DSCAM: variants seen among roughly 807,000 people sequenced by gnomAD.
DSCAM encodes the protein DS cell adhesion molecule, also known as cell adhesion molecule DSCAM.
DSCAM carries 47 observed loss-of-function variants against 217.7 expected under a neutral mutation model. The ratio of observed to expected loss-of-function variants is 0.22; its 90% CI spans 0.17 to 0.28. The LOEUF (loss-of-function observed/expected upper bound fraction) is 0.28. Ranked by LOEUF, DSCAM falls within the 10% of genes least tolerant of loss-of-function variation. The probability of loss-of-function intolerance (pLI) is 1.00; values close to 1 mark genes in which losing one functional copy is unlikely to be tolerated. For missense variants in DSCAM, 2,080 were observed against 2,618.3 expected (o/e 0.79, Z 4.49); for synonymous variants, 1,056 against 1,015.3 (o/e 1.04, Z -0.76).
chr21:40,348,906 C>T (rs1039450740), intron 5 of DSCAM, among the ~76,000 whole-genome samples: 2 of 151,784 alleles, frequency 1.3e-5, no homozygotes, highest in African/African-American at 2.4e-5. Context: ...CTTTGTGAGG[C>T]CAAAGTGGGA....
At chr21:40,408,776 T>C (rs917688978) in intron 3 of DSCAM, among the ~76,000 whole-genome samples, 11 of 152,210 alleles carry the variant, frequency 7.2e-5, no homozygotes, top group African/African-American at 2.4e-4. Context: ...TTCACTCACA[T>C]GTGCAGTGCA....
At chr21:40,391,369 G>A (rs895972720) in intron 3 of DSCAM, among the ~76,000 whole-genome samples, 4 of 152,170 alleles carry the variant, frequency 2.6e-5, no homozygotes, top group African/African-American at 9.7e-5. Context: ...CCCACCTGCT[G>A]TTTGAAATAA....
At chr21:40,728,419 C>T (rs1423709557) in intron 1 of DSCAM, among the ~76,000 whole-genome samples, 1 of 145,594 alleles carries the variant, frequency 6.9e-6, no homozygotes, top group Non-Finnish European at 1.5e-5. Context: ...ATAAATGATT[C>T]TTTTTTTTTT....
At chr21:40,290,936 G>A in intron 10 of DSCAM, among the ~76,000 whole-genome samples, 1 of 152,190 alleles carries the variant, frequency 6.6e-6, no homozygotes, top group East Asian at 1.9e-4. Context: ...TCTAAGCTCT[G>A]ACAATGCAGA....
At chr21:40,370,999 T>C (rs909404146) in intron 3 of DSCAM, among the ~76,000 whole-genome samples, 7 of 152,240 alleles carry the variant, frequency 4.6e-5, no homozygotes, top group Admixed American at 1.3e-4. Flanking sequence ...AGAACACAGA[T>C]GTGAAAAAGA....
intron 1 of DSCAM, among the ~76,000 whole-genome samples, chr21:40,828,638 A>C (rs944166358): frequency 6.8e-6 from 1 of 146,276 alleles, no homozygotes; most frequent in East Asian, 2.1e-4. Context: ...TCCCTCAGGA[A>C]CCAGGGGACA....
chr21:40,478,525 T>G (rs2145981808), intron 3 of DSCAM, among the ~76,000 whole-genome samples: 1 of 152,340 alleles, frequency 6.6e-6, no homozygotes, highest in Non-Finnish European at 1.5e-5. Context: ...GTACTAAAAT[T>G]ATAGCCACTT....
At chr21:40,308,380 C>T (rs185075830) in intron 9 of DSCAM, among the ~76,000 whole-genome samples, 6 of 152,182 alleles carry the variant, frequency 3.9e-5, no homozygotes, top group Non-Finnish European at 7.4e-5. Flanking sequence ...CCTGAGATTG[C>T]GGCTGAATTC....
chr21:40,347,614 G>C, intron 6 of DSCAM, 56 bp downstream of exon 6: 1 of 1,604,546 alleles, frequency 6.2e-7, no homozygotes, highest in Middle Eastern at 2.2e-4. Flanking sequence ...CTTCTTTTCT[G>C]AGTGCTCTGG....
Position 40,360,925 on chromosome 21 carries a change from A to C in DSCAM, c.656-7182T>G, listed in dbSNP as rs1489350513. Reference sequence around the variant, plus strand: ...CACAATGGCAGGACTAAGTTACTTTACCACCAGTAGTGTATAAGTGTTCCC... The same window carrying C: ...CACAATGGCAGGACTAAGTTACTTTCCCACCAGTAGTGTATAAGTGTTCCC... On this transcript the variant is annotated intron_variant, in intron 4 of 32. Coordinates refer to ENST00000400454, the MANE Select transcript of DSCAM (RefSeq NM_001389.5). Among the ~76,000 whole-genome samples, 27 of 152,170 alleles carry C rather than the reference A, an allele frequency of 1.8e-4. 1 individual carries two copies. Among genetic ancestry groups the C allele is most frequent in the Non-Finnish European group, 4.4e-5 (3 of 68,024 alleles).
chr21:40,441,701 T>G (rs2075631803), intron 3 of DSCAM, among the ~76,000 whole-genome samples: 1 of 152,224 alleles, frequency 6.6e-6, no homozygotes, highest in Non-Finnish European at 1.5e-5. Flanking sequence ...ACCCTTGACC[T>G]GCCCTACCAA....
intron 20 of DSCAM, among the ~76,000 whole-genome samples, chr21:40,114,785 T>C (rs1437762851): frequency 1.3e-5 from 2 of 152,180 alleles, no homozygotes; most frequent in African/African-American, 4.8e-5. Context: ...AAAGAAGACA[T>C]TTATGCAGCC....
intron 20 of DSCAM, 38 bp downstream of exon 20, chr21:40,124,157 C>A (rs771045334): frequency 3.7e-6 from 6 of 1,612,450 alleles, no homozygotes; most frequent in Admixed American, 1.7e-5. Context: ...TCGTCCCTGG[C>A]AGACGCTTGA....
intron 3 of DSCAM, among the ~76,000 whole-genome samples, chr21:40,663,046 AGT>A (rs911919442): frequency 8.7e-6 from 1 of 114,946 alleles, no homozygotes; most frequent in Non-Finnish European, 1.9e-5. Context: ...TGCACATGTG[AGT>A]GTGTGTGTGT....
intron 8 of DSCAM, 60 bp downstream of exon 8, chr21:40,338,041 G>C: frequency 6.3e-7 from 1 of 1,580,266 alleles, no homozygotes; most frequent in Non-Finnish European, 8.6e-7. Context: ...CAAATCATTG[G>C]TCTGGGAAGT....
intron 10 of DSCAM, among the ~76,000 whole-genome samples, chr21:40,281,927 G>A (rs889878564): frequency 2.6e-5 from 4 of 152,012 alleles, no homozygotes; most frequent in African/African-American, 7.2e-5. Context: ...TTTTGTTCTC[G>A]TTGCTTCAAT....
chr21:40,751,456 A>G (rs1033849656), intron 1 of DSCAM, among the ~76,000 whole-genome samples: 2 of 152,224 alleles, frequency 1.3e-5, no homozygotes, highest in Admixed American at 1.3e-4. Context: ...TGCCTCCAAA[A>G]TTTATTTGTT....
intron 20 of DSCAM, among the ~76,000 whole-genome samples, chr21:40,106,659 G>A (rs531879010): frequency 1.3e-5 from 2 of 152,076 alleles, no homozygotes; most frequent in Admixed American, 1.3e-4. Flanking sequence ...CTCATTATTG[G>A]TATGTTCGGG....
Position 40,753,136 on chromosome 21 carries a change from G to C in DSCAM, c.44-44365C>G, listed in dbSNP as rs547226482. On this transcript the variant is annotated intron_variant, in intron 1 of 32. Transcript: ENST00000400454. The stretch of plus-strand genomic sequence containing the variant: ...GCTTATCTGTGCTTCTGGTACCCCA[G>C]AGGTACTTGATGAACATACTATTTT... 2.6e-5 allele frequency among the ~76,000 whole-genome samples: 4 copies of C among 152,302 alleles called. No homozygotes were observed. The East Asian group carries it at 7.7e-4, about 29-fold the overall frequency.
Sources: gnomAD v4.1 joint callset for allele counts (sites outside exome capture counted in the v4.1 genomes callset) on GRCh38, gnomAD v4.1.1 for gene constraint, MANE v1.5 for transcripts, NCBI Gene and HGNC (gene_info 2026-07-23, HGNC 2026-07-21) for gene names.